Variants in SH2B1 observed in about 807,000 individuals in gnomAD.
SH2B1 encodes SH2B adapter protein 1.
In SH2B1, 15 loss-of-function variants were observed where a neutral mutation model predicts 62.6. The ratio of observed to expected loss-of-function variants is 0.24; its 90% CI spans 0.16 to 0.37. The LOEUF is 0.37. SH2B1 is among the 10% of genes least tolerant of loss of function. SH2B1 has a pLI of 1.00. For missense variants in SH2B1, 925 were observed against 1,015.6 expected (o/e 0.91, Z 1.21); for synonymous variants, 443 against 438.0 (o/e 1.01, Z -0.14).
upstream of SH2B1, among the ~76,000 whole-genome samples, chr16:28,858,943 CAA>C (rs141782037): frequency 1.3e-3 from 137 of 104,452 alleles, no homozygotes; most frequent in East Asian, 5.5e-3. Context: ...GACTGTTTCT[CAA>C]AAAAAAAAAA....
At chr16:28,853,433 G>A (rs537451764) in intron 1 of SH2B1, among the ~76,000 whole-genome samples, 40 of 149,748 alleles carry the variant, frequency 2.7e-4, no homozygotes, top group Non-Finnish European at 4.7e-4. Context: ...TCGAACTCCT[G>A]ACCTCATGAT....
chr16:28,858,696 C>G (rs965911976), intron 1 of SH2B1, among the ~76,000 whole-genome samples: 1 of 152,082 alleles, frequency 6.6e-6, no homozygotes, highest in African/African-American at 2.4e-5. Flanking sequence ...TCCCAGCACT[C>G]TGGGAGGCCA....
chr16:28,852,864 T>TTA (rs1962199944), intron 1 of SH2B1, among the ~76,000 whole-genome samples: 3 of 68,840 alleles, frequency 4.4e-5, no homozygotes. Flanking sequence ...TTATATATAT[T>TTA]TACATATATA....
At chr16:28,867,186 AGCTGCGG>A (rs1428421929) in intron 1 of SH2B1, 138 bp from the exon 2 acceptor site, 14 of 1,254,036 alleles carry the variant, frequency 1.1e-5, no homozygotes, top group Non-Finnish European at 1.6e-5. Flanking sequence ...CTGTGTTAGC[AGCTGCGG>A]GCAGGACTGA....
At chr16:28,851,459 CTTT>C (rs369515117) in intron 1 of SH2B1, among the ~76,000 whole-genome samples, 3 of 138,506 alleles carry the variant, frequency 2.2e-5, no homozygotes, top group Admixed American at 7.3e-5. Context: ...CGCCTTTCTT[CTTT>C]TTTTTTTTTT....
intron 1 of SH2B1, among the ~76,000 whole-genome samples, chr16:28,849,556 A>G (rs1485272381): frequency 6.6e-6 from 1 of 151,958 alleles, no homozygotes; most frequent in Non-Finnish European, 1.5e-5. Flanking sequence ...AATGTGTATT[A>G]GCTTGAAAAA....
intron 1 of SH2B1, among the ~76,000 whole-genome samples, chr16:28,857,105 G>C (rs540597911): frequency 2.0e-5 from 3 of 151,946 alleles, no homozygotes; most frequent in Non-Finnish European, 4.4e-5. Context: ...CAACGTGGTG[G>C]AACCTCATCT....
upstream of SH2B1, chr16:28,863,517 G>A (rs923740151): frequency 1.6e-6 from 1 of 639,816 alleles, no homozygotes. Context: ...GGTGCTCGGC[G>A]GCTACTCTAG....
chr16:28,865,757 A>C lies in SH2B1; in HGVS notation c.-338A>C. The stretch of plus-strand genomic sequence containing the variant: ...GGGGGAAGGTGCTCCAAAGCCCTCT[A>C]CTGCTGGATCCAAAGCTAAGGAAAG... On this transcript the variant is annotated 5_prime_UTR_variant, in exon 1 of 8. Coordinates refer to ENST00000684370, the MANE Select transcript of SH2B1 (RefSeq NM_001387430.1). 3 of 1,081,314 alleles carry C rather than the reference A, an allele frequency of 2.8e-6. No individual in the cohort carries two copies. Among genetic ancestry groups the C allele is most frequent in the Non-Finnish European group, 3.4e-6 (3 of 892,032 alleles). The allele number at this position is 1,081,314 out of a possible 1,614,324, so 67.0% of individuals were successfully genotyped here.
intron 1 of SH2B1, among the ~76,000 whole-genome samples, chr16:28,849,912 G>A (rs1284156233): frequency 6.6e-6 from 1 of 151,302 alleles, no homozygotes; most frequent in Admixed American, 6.6e-5. Context: ...GACAGAGCGA[G>A]ACTCTGTCTC....
chr16:28,850,863 A>G (rs1158887452), intron 1 of SH2B1, among the ~76,000 whole-genome samples: 4 of 111,314 alleles, frequency 3.6e-5, no homozygotes, highest in South Asian at 3.5e-4. Flanking sequence ...ACTCCATCTG[A>G]AAAAAAAAAA....
chr16:28,865,966 G>T lies in SH2B1; in HGVS notation c.-129G>T, dbSNP rs1016171421. 2 of 1,469,540 alleles carry T rather than the reference G, an allele frequency of 1.4e-6. No homozygotes were observed. Among genetic ancestry groups the T allele is most frequent in the African/African-American group, 2.8e-5 (2 of 70,764 alleles). 91.0% of individuals were successfully genotyped at this position (1,469,540 alleles called of 1,614,324 possible). A position where few individuals can be genotyped will look rare whatever the true frequency, so the allele number is the denominator to read the frequency against. ...GGGGGTGGGATGCAGCCTCCGGTGC[G>T]CCCTCAGCAGTGACCCTCGTGTGTG... On this transcript the variant is annotated 5_prime_UTR_variant, in exon 1 of 8. Transcript: ENST00000684370.
intron 1 of SH2B1, among the ~76,000 whole-genome samples, chr16:28,852,838 A>T (rs371451816): frequency 0.01 from 486 of 46,888 alleles, 73 homozygotes; most frequent in African/African-American, 0.025. Flanking sequence ...TTATATATAT[A>T]TACATATATA....
At chr16:28,861,014 C>T (rs745872240), upstream of SH2B1, among the ~76,000 whole-genome samples, 18 of 151,766 alleles carry the variant, frequency 1.2e-4, no homozygotes, top group African/African-American at 2.4e-4. Context: ...GATGAGGTTT[C>T]GCCATGTTGG....
chr16:28,849,202 C>T (rs1426408763), intron 1 of SH2B1, among the ~76,000 whole-genome samples: 2 of 152,120 alleles, frequency 1.3e-5, no homozygotes, highest in Non-Finnish European at 2.9e-5. Context: ...CTCCCAAGCT[C>T]AATCTACCTC....
rs1962661558 is a variant in SH2B1, at chr16:28,865,987, G to A, written c.-108G>A. 1.1e-5 allele frequency: 17 copies of A among 1,494,884 alleles called. No individual in the cohort carries two copies. Among genetic ancestry groups the A allele is most frequent in the Non-Finnish European group, 1.5e-5 (17 of 1,131,470 alleles). The allele number at this position is 1,494,884 out of a possible 1,614,324, so 92.6% of individuals were successfully genotyped here. A position where few individuals can be genotyped will look rare whatever the true frequency, so the allele number is the denominator to read the frequency against. ...GTGCGCCCTCAGCAGTGACCCTCGT[G>A]TGTGCCTCTCTCTTCCTTTCGCAGC... On this transcript the variant is annotated 5_prime_UTR_variant, in exon 1 of 8. In the 5' UTR this introduces an upstream ATG that the reference lacks. Transcript: ENST00000684370.
At chr16:28,867,504 T>C (rs1362812014) in intron 2 of SH2B1, 72 bp downstream of exon 2, 2 of 1,168,836 alleles carry the variant, frequency 1.7e-6, no homozygotes, top group African/African-American at 3.0e-5. Flanking sequence ...TTTAAGCAAG[T>C]GGCGTCGCCG....
chr16:28,846,663 T>G, upstream of SH2B1: 1 of 208,042 alleles, frequency 4.8e-6, no homozygotes, highest in Non-Finnish European at 9.8e-6. Flanking sequence ...TCAGGCGGGC[T>G]AGGCCGGACC....
chr16:28,867,068 A>G, intron 1 of SH2B1, 35 bp downstream of exon 1: 2 of 1,598,096 alleles, frequency 1.3e-6, no homozygotes, highest in Non-Finnish European at 8.5e-7. Context: ...ACTGAGAGCA[A>G]GTGAGAGAGT....
Sources: allele counts gnomAD v4.1 joint callset (sites outside exome capture counted in the v4.1 genomes callset), GRCh38; gene constraint gnomAD v4.1.1; transcripts MANE v1.5; gene names NCBI Gene and HGNC (gene_info 2026-07-23, HGNC 2026-07-21).